The following KRIT1 variants were observed in gnomAD, a reference collection of about 807,000 sequenced individuals.
KRIT1 encodes the protein KRIT1 ankyrin repeat containing, also known as krev interaction trapped protein 1.
KRIT1 carries 45 observed loss-of-function variants against 95.8 expected under a neutral mutation model. The ratio of observed to expected loss-of-function variants is 0.47; its 90% confidence interval spans 0.37 to 0.60. The LOEUF (loss-of-function observed/expected upper bound fraction) is 0.60, where lower values mean the gene tolerates loss of function less well. Ranked by LOEUF, KRIT1 falls within the 20% of genes least tolerant of loss-of-function variation. KRIT1 has a pLI of 0.00. For synonymous variants in KRIT1, 282 were observed against 278.8 expected, an observed-to-expected ratio of 1.01 and a Z score of -0.11; for missense variants, 788 against 877.5, an observed-to-expected ratio of 0.90 and a Z score of 1.29.
chr7:92,233,261 C>T (rs897423001), intron 10 of KRIT1, among the ~76,000 whole-genome samples: 3 of 151,662 alleles, frequency 2.0e-5, no homozygotes, highest in African/African-American at 4.9e-5. Flanking sequence ...AAAAGAATTT[C>T]GAGTTGGAAG....
At chr7:92,222,625 T>C (rs1308947095) in intron 13 of KRIT1, among the ~76,000 whole-genome samples, 197 bp downstream of exon 13, 1 of 152,158 alleles carries the variant, frequency 6.6e-6, no homozygotes, top group Non-Finnish European at 1.5e-5. Flanking sequence ...AAAAATGCTT[T>C]GAATGAAGCA....
rs148355366 is a variant in KRIT1, at chr7:92,222,019, T to G, written c.1446A>C (p.Gln482His). The G allele has an allele frequency of 2.1e-5, 34 of 1,613,636 alleles. No homozygotes were observed. Among genetic ancestry groups the G allele is most frequent in the Non-Finnish European group, 4.2e-6 (5 of 1,179,712 alleles). Residue 482 changes from glutamine (Q) to histidine (H), a missense_variant, in exon 14 of 19, where the codon CAA (glutamine) becomes CAC (histidine). Physicochemically the swap from Gln to His is conservative, Grantham distance 24 (BLOSUM62 0). Coordinates refer to ENST00000394505, the MANE Select transcript of KRIT1 (RefSeq NM_194454.3). ...LQLKPYHKPL[Q>H]HVRDWPEILA... ...GTATTTCTGGCCAGTCACGAACATG[T>G]TGCAAGGGTTTATGATATGGTTTGA...
intron 17 of KRIT1, chr7:92,202,098 T>C (rs1310807626): frequency 1.3e-5 from 2 of 152,262 alleles, no homozygotes; most frequent in Non-Finnish European, 2.9e-5. Context: ...TACTTTCAGA[T>C]TGTAGTTTAT....
At chr7:92,224,448 G>A (rs1220984275) in intron 12 of KRIT1, among the ~76,000 whole-genome samples, 2 of 152,002 alleles carry the variant, frequency 1.3e-5, no homozygotes, top group Admixed American at 6.6e-5. Flanking sequence ...TCCAGCCTGG[G>A]CAACATAGTG....
At chr7:92,205,173 C>T (rs1162924643) in intron 17 of KRIT1, among the ~76,000 whole-genome samples, 2 of 152,060 alleles carry the variant, frequency 1.3e-5, no homozygotes, top group Non-Finnish European at 2.9e-5. Context: ...ATGGAGAAAC[C>T]CCCTCTCTAC....
chr7:92,235,784 G>A, intron 7 of KRIT1, 138 bp from the exon 8 acceptor site: 1 of 770,348 alleles, frequency 1.3e-6, no homozygotes, highest in South Asian at 1.7e-5. Flanking sequence ...TGTTAGTTAA[G>A]TACTTTATTA....
At chr7:92,236,243 C>T in intron 7 of KRIT1, 170 bp downstream of exon 7, 1 of 555,394 alleles carries the variant, frequency 1.8e-6, no homozygotes, top group South Asian at 2.2e-5. Context: ...CCAGGACAAC[C>T]TTATCTTCGG....
intron 14 of KRIT1, among the ~76,000 whole-genome samples, chr7:92,220,839 G>C (rs762893372): frequency 6.6e-6 from 1 of 151,002 alleles, no homozygotes; most frequent in African/African-American, 2.4e-5. Context: ...GATTACAGGC[G>C]CCCACCACCA....
intron 15 of KRIT1, 54 bp downstream of exon 15, chr7:92,214,557 G>A: frequency 7.4e-7 from 1 of 1,349,622 alleles, no homozygotes; most frequent in Non-Finnish European, 1.1e-6. Flanking sequence ...AACTTTCTTG[G>A]TTAAACAGAA....
At chr7:92,223,273 C>CAAAA (rs568078150) in intron 12 of KRIT1, among the ~76,000 whole-genome samples, 3 of 42,106 alleles carry the variant, frequency 7.1e-5, no homozygotes, top group South Asian at 8.1e-4. Context: ...ACTAAAAATA[C>CAAAA]AAAAAAAAAA....
chr7:92,210,712 C>T (rs534140423), intron 17 of KRIT1, among the ~76,000 whole-genome samples: 2 of 152,280 alleles, frequency 1.3e-5, no homozygotes, highest in East Asian at 1.9e-4. Context: ...AGCTTCTGCA[C>T]AGCTAACGTA....
At chr7:92,210,810 T>G (rs1214435558) in intron 17 of KRIT1, among the ~76,000 whole-genome samples, 1 of 152,174 alleles carries the variant, frequency 6.6e-6, no homozygotes, top group Admixed American at 6.5e-5. Context: ...ATCCAAAATT[T>G]ACAAGGAAAT....
chr7:92,213,311 C>T lies in KRIT1; in HGVS notation c.1909G>A (p.Ala637Thr). The T allele has an allele frequency of 6.2e-7, 1 of 1,613,430 alleles. No individual in the cohort carries two copies. The highest frequency in any genetic ancestry group is 8.5e-7 in the Non-Finnish European group (1 of 1,179,432). ...AATATCTGTCCTGTGAAAAATGCTG[C>T]TCCATAAGTAGGAATTTCCCAGCAA... ...QNCWEIPTYG[A>T]AFFTGQIFTK... Residue 637 changes from alanine to threonine, a missense_variant, in exon 17 of 19, where the codon GCA (alanine) becomes ACA (threonine). Around this residue, in one of 3 missense-constraint regions of KRIT1, gnomAD observed 493 missense variants for 582.3 expected, o/e 0.85. Coordinates refer to ENST00000394505, the MANE Select transcript of KRIT1 (RefSeq NM_194454.3).
chr7:92,234,691 G>T, intron 9 of KRIT1, 99 bp from the exon 10 acceptor site: 1 of 1,175,608 alleles, frequency 8.5e-7, no homozygotes, highest in South Asian at 1.2e-5. Context: ...TCACTAAGAA[G>T]CTGTAAACTC....
intron 11 of KRIT1, among the ~76,000 whole-genome samples, 198 bp from the exon 12 acceptor site, chr7:92,226,025 A>G (rs1397090013): frequency 6.6e-6 from 1 of 152,230 alleles, no homozygotes; most frequent in Admixed American, 6.5e-5. Flanking sequence ...GCACTAATCA[A>G]TGTGATGACT....
At chr7:92,220,178 T>C (rs1437083564) in intron 14 of KRIT1, among the ~76,000 whole-genome samples, 1 of 152,222 alleles carries the variant, frequency 6.6e-6, no homozygotes, top group Non-Finnish European at 1.5e-5. Context: ...GAACACCCTT[T>C]ATCATGCTGA....
At position 92,234,941 on chromosome 7, in the gene KRIT1, T is replaced by C; in HGVS notation, c.730-18A>G. 1 of 1,123,984 alleles carries C rather than the reference T, an allele frequency of 8.9e-7. No individual in the cohort carries two copies. Among genetic ancestry groups the C allele is most frequent in the Non-Finnish European group, 1.4e-6 (1 of 732,930 alleles). The allele number at this position is 1,123,984 out of a possible 1,614,324, so 69.6% of individuals were successfully genotyped here. A position where few individuals can be genotyped will look rare whatever the true frequency, so the allele number is the denominator to read the frequency against. On this transcript the variant is annotated intron_variant, in intron 8 of 18. Coordinates refer to ENST00000394505, the MANE Select transcript of KRIT1 (RefSeq NM_194454.3). ...TTATCTACCTAGAAAGGGAAAACAATAACAAAAACCCATTAAGAGCTTTGT... is the reference window on the plus strand; with the variant it reads ...TTATCTACCTAGAAAGGGAAAACAACAACAAAAACCCATTAAGAGCTTTGT...
intron 14 of KRIT1, among the ~76,000 whole-genome samples, chr7:92,221,272 C>T (rs2131423533): frequency 6.6e-6 from 1 of 152,112 alleles, no homozygotes; most frequent in African/African-American, 2.4e-5. Flanking sequence ...CCCGTCTCCG[C>T]TAAAAATACA....
chr7:92,217,221 T>C (rs774984758), intron 14 of KRIT1, among the ~76,000 whole-genome samples: 1 of 152,234 alleles, frequency 6.6e-6, no homozygotes, highest in East Asian at 1.9e-4. Flanking sequence ...TGAGTATACT[T>C]AGATTATATG....
Sources: gnomAD v4.1 joint callset for allele counts (sites outside exome capture counted in the v4.1 genomes callset) on GRCh38, gnomAD v4.1.1 for gene constraint, gnomAD v4.1.1 regional missense constraint, MANE v1.5 for transcripts, NCBI Gene and HGNC (gene_info 2026-07-23, HGNC 2026-07-21) for gene names.